The following POU2F1 variants were observed in gnomAD, a reference collection of about 807,000 sequenced individuals.
The protein encoded by POU2F1 is POU domain, class 2, transcription factor 1.
Under a neutral mutation model 84.9 loss-of-function variants are expected in POU2F1, and 16 were observed. The observed-to-expected ratio is 0.19, with a 90% confidence interval of 0.13 to 0.29. The LOEUF (loss-of-function observed/expected upper bound fraction) is 0.29. Among genes scored for constraint, POU2F1 ranks in the 10% least tolerant of loss-of-function variants. The pLI is 1.00. For synonymous variants in POU2F1, 368 were observed against 368.3 expected (o/e 1.00, Z 0.01); for missense variants, 738 against 942.6 (o/e 0.78, Z 2.84).
At chr1:167,252,030 A>G (rs1198124707) in intron 1 of POU2F1, among the ~76,000 whole-genome samples, 1 of 150,790 alleles carries the variant, frequency 6.6e-6, no homozygotes, top group Non-Finnish European at 1.5e-5. Context: ...ATATATATAT[A>G]TATATAGTTT....
Position 167,276,013 on chromosome 1 carries a change from C to A in POU2F1, c.61+55055C>A, listed in dbSNP as rs147426899. ...CTAAGAACAAAATATTTAGCTTATA[C>A]TAGAAGACAACAGTAGTCCCCCTTT... On this transcript the variant is annotated intron_variant, in intron 1 of 15. Coordinates refer to ENST00000367866, the MANE Select transcript of POU2F1 (RefSeq NM_002697.4). 5.0e-3 allele frequency among the ~76,000 whole-genome samples: 764 copies of A among 152,334 alleles called. 5 individuals carry two copies. The highest frequency in any genetic ancestry group is 0.016 in the African/African-American group (645 of 41,570).
Position 167,419,956 on chromosome 1 carries a change from A to G in POU2F1, c.*4146A>G, listed in dbSNP as rs1436635881. On this transcript the variant is annotated 3_prime_UTR_variant, in exon 16 of 16. Coordinates refer to ENST00000367866, the MANE Select transcript of POU2F1 (RefSeq NM_002697.4). ...ACATCTCTCATTCATTGTTGGGGGA[A>G]AAAAAAGCACAACTATACCTCTTTA... is the stretch of plus-strand genomic sequence containing the variant. 2.0e-5 allele frequency: 3 copies of G among 152,248 alleles called. No individual in the cohort carries two copies. Among genetic ancestry groups the G allele is most frequent in the South Asian group, 2.1e-4 (1 of 4,826 alleles). 9.4% of individuals were successfully genotyped at this position (152,248 alleles called of 1,614,324 possible).
At chr1:167,331,837 A>T (rs1400864461) in intron 1 of POU2F1, among the ~76,000 whole-genome samples, 1 of 152,084 alleles carries the variant, frequency 6.6e-6, no homozygotes, top group East Asian at 1.9e-4. Flanking sequence ...TGAAATTATT[A>T]GCTATATCTG....
chr1:167,335,758 C>T (rs113624059), intron 2 of POU2F1, among the ~76,000 whole-genome samples: 9 of 152,088 alleles, frequency 5.9e-5, no homozygotes, highest in African/African-American at 1.4e-4. Flanking sequence ...TACTTTATGT[C>T]GTAATTTTTA....
At chr1:167,266,554 A>C (rs1431983448) in intron 1 of POU2F1, among the ~76,000 whole-genome samples, 1 of 152,072 alleles carries the variant, frequency 6.6e-6, no homozygotes, top group African/African-American at 2.4e-5. Context: ...GTTGTCTGGG[A>C]TCAAGGGAAA....
intron 1 of POU2F1, among the ~76,000 whole-genome samples, chr1:167,292,028 C>CGT (rs146381984): frequency 0.019 from 2,807 of 149,980 alleles, 79 homozygotes; most frequent in African/African-American, 0.063. Context: ...AAAATCTGTG[C>CGT]GTGTGTGTGT....
At position 167,338,446 on chromosome 1, in the gene POU2F1, T is replaced by G. The variant is rs182538452; in HGVS notation, c.127+5911T>G. Among the ~76,000 whole-genome samples the G allele has an allele frequency of 3.2e-4, 49 of 152,298 alleles. No homozygotes were observed. The East Asian group carries it at 6.2e-3, about 19-fold the overall frequency. ...TGTTACATGCAGATTTTCAACTGTT[T>G]GTGGGGTCGACACCCTTGACTCCGT... On this transcript the variant is annotated intron_variant, in intron 2 of 15. Coordinates refer to ENST00000367866, the MANE Select transcript of POU2F1 (RefSeq NM_002697.4).
In POU2F1 at chr1:167,420,180, T is replaced by C. The variant is rs570238556; in HGVS notation, c.*4370T>C. On this transcript the variant is annotated 3_prime_UTR_variant, in exon 16 of 16. Coordinates refer to ENST00000367866, the MANE Select transcript of POU2F1 (RefSeq NM_002697.4). ...AGGGAATTCATGTCTTTTTTTTTTT[T>C]TTTTTTCTGGTCTTGCTCTGTTGCC... The C allele has an allele frequency of 1.3e-5, 2 of 151,752 alleles. No individual in the cohort carries two copies. The highest frequency in any genetic ancestry group is 2.1e-4 in the South Asian group (1 of 4,800). The allele number at this position is 151,752 out of a possible 1,614,324, so 9.4% of individuals were successfully genotyped here.
intron 9 of POU2F1, among the ~76,000 whole-genome samples, chr1:167,395,777 G>T (rs1330400904): frequency 6.6e-6 from 1 of 151,810 alleles, no homozygotes; most frequent in Non-Finnish European, 1.5e-5. Flanking sequence ...CCTAATATTT[G>T]TATTTTTTGT....
chr1:167,382,476 G>A (rs1250012781), intron 7 of POU2F1, among the ~76,000 whole-genome samples: 1 of 152,156 alleles, frequency 6.6e-6, no homozygotes, highest in East Asian at 1.9e-4. Flanking sequence ...TAGAAGTTGA[G>A]ATACGATAGC....
At chr1:167,304,026 A>AT (rs1654888153) in intron 1 of POU2F1, among the ~76,000 whole-genome samples, 1 of 152,208 alleles carries the variant, frequency 6.6e-6, no homozygotes, top group African/African-American at 2.4e-5. Context: ...CTACATGAAG[A>AT]TTAAAGAAGT....
At chr1:167,346,697 C>T (rs891244713) in intron 2 of POU2F1, among the ~76,000 whole-genome samples, 17 of 152,186 alleles carry the variant, frequency 1.1e-4, no homozygotes, top group Non-Finnish European at 7.3e-5. Flanking sequence ...CAGGCAATAA[C>T]GCTATCTTGC....
At chr1:167,411,629 C>T (rs1185319947) in intron 13 of POU2F1, among the ~76,000 whole-genome samples, 1 of 151,998 alleles carries the variant, frequency 6.6e-6, no homozygotes, top group Non-Finnish European at 1.5e-5. Context: ...AGTTTTTCTT[C>T]TTTTGCTTTC....
chr1:167,235,203 A>G (rs1046374464), intron 1 of POU2F1, among the ~76,000 whole-genome samples: 3 of 152,088 alleles, frequency 2.0e-5, no homozygotes, highest in Non-Finnish European at 2.9e-5. Flanking sequence ...CTTTTACACT[A>G]CATTGCTAAG....
At chr1:167,364,339 G>T (rs1331792289) in intron 2 of POU2F1, among the ~76,000 whole-genome samples, 1 of 151,152 alleles carries the variant, frequency 6.6e-6, no homozygotes. Context: ...GACCATCCCG[G>T]CTATAACGGT....
intron 1 of POU2F1, among the ~76,000 whole-genome samples, chr1:167,224,195 T>C (rs1484746484): frequency 6.6e-6 from 1 of 152,216 alleles, no homozygotes; most frequent in African/African-American, 2.4e-5. Flanking sequence ...AATTCTCAAA[T>C]GGAGTATTTG....
At position 167,399,202 on chromosome 1, in the gene POU2F1, C is replaced by T. The variant is rs774822772; in HGVS notation, c.1286C>T (p.Ser429Leu). 1.9e-6 allele frequency: 3 copies of T among 1,610,988 alleles called. No individual in the cohort carries two copies. Among genetic ancestry groups the T allele is most frequent in the Admixed American group, 1.7e-5 (1 of 59,796 alleles). Residue 429 changes from serine to leucine, a missense_variant, in exon 12 of 16, where the codon TCG (serine) becomes TTG (leucine). By Grantham distance (145) the Ser-to-Leu change is moderately radical. Coordinates refer to ENST00000367866, the MANE Select transcript of POU2F1 (RefSeq NM_002697.4). Reference protein sequence around the residue: ...KSFLENQKPTSEEITMIADQL... With the variant: ...KSFLENQKPTLEEITMIADQL... The stretch of plus-strand genomic sequence containing the variant: ...ACCCTGCAGAATCAAAAGCCTACCT[C>T]GGAAGAGATCACTATGATTGCTGAT...
At chr1:167,369,646 T>C (rs1481834246) in intron 3 of POU2F1, among the ~76,000 whole-genome samples, 1 of 152,100 alleles carries the variant, frequency 6.6e-6, no homozygotes, top group Non-Finnish European at 1.5e-5. Flanking sequence ...CAGCTAAGAG[T>C]TTTAAGTTAT....
chr1:167,307,664 A>G (rs1471972374), intron 1 of POU2F1, among the ~76,000 whole-genome samples: 1 of 152,156 alleles, frequency 6.6e-6, no homozygotes, highest in Non-Finnish European at 1.5e-5. Flanking sequence ...TACTGTCCCT[A>G]CAAATAAGGA....
Sources: gnomAD v4.1 joint callset for allele counts (sites outside exome capture counted in the v4.1 genomes callset) on GRCh38, gnomAD v4.1.1 for gene constraint, MANE v1.5 for transcripts, NCBI Gene and HGNC (gene_info 2026-07-23, HGNC 2026-07-21) for gene names.